The following NRXN3 variants were observed in gnomAD, a reference collection of about 807,000 sequenced individuals.
NRXN3 encodes neurexin III.
In NRXN3, 32 loss-of-function variants were observed where a neutral mutation model predicts 137.6. The observed-to-expected ratio is 0.23, with a 90% CI of 0.18 to 0.31. The LOEUF (loss-of-function observed/expected upper bound fraction) is 0.31, where lower values mean the gene tolerates loss of function less well. NRXN3 is among the 10% of genes least tolerant of loss of function. NRXN3 has a pLI of 1.00. For missense variants in NRXN3, 1,574 were observed against 2,062.5 expected (o/e 0.76, Z 4.59); for synonymous variants, 798 against 784.5 (o/e 1.02, Z -0.29).
At chr14:78,729,562 C>G (rs2098504545) in intron 8 of NRXN3, among the ~76,000 whole-genome samples, 1 of 152,160 alleles carries the variant, frequency 6.6e-6, no homozygotes, top group African/African-American at 2.4e-5. Context: ...TGGAGAAGAA[C>G]TGTAAAGTTT....
intron 16 of NRXN3, among the ~76,000 whole-genome samples, chr14:79,536,195 G>T (rs1344550239): frequency 1.3e-5 from 2 of 152,144 alleles, no homozygotes; most frequent in Admixed American, 1.3e-4. Context: ...CATGCCATAT[G>T]TTGGACTCTA....
intron 15 of NRXN3, among the ~76,000 whole-genome samples, chr14:79,051,114 T>A (rs1371151159): frequency 6.6e-6 from 1 of 152,164 alleles, no homozygotes; most frequent in South Asian, 2.1e-4. Flanking sequence ...TTGCTAGTGA[T>A]AGAGCCAGAA....
At chr14:78,884,558 C>A (rs2099137889) in intron 10 of NRXN3, among the ~76,000 whole-genome samples, 1 of 152,140 alleles carries the variant, frequency 6.6e-6, no homozygotes, top group South Asian at 2.1e-4. Context: ...ATCTACCTAT[C>A]CAACTTGGAT....
chr14:79,187,998 G>A (rs1297967969), intron 15 of NRXN3, among the ~76,000 whole-genome samples: 1 of 151,640 alleles, frequency 6.6e-6, no homozygotes, highest in East Asian at 2.0e-4. Context: ...AACATTGGTA[G>A]GTTTTGTTTG....
At chr14:78,941,724 T>C (rs981956422) in intron 10 of NRXN3, among the ~76,000 whole-genome samples, 2 of 152,212 alleles carry the variant, frequency 1.3e-5, no homozygotes, top group African/African-American at 2.4e-5. Flanking sequence ...GGGATAAAAA[T>C]GCTTACTTCC....
At chr14:79,348,342 A>T (rs1184937734) in intron 15 of NRXN3, among the ~76,000 whole-genome samples, 3 of 149,812 alleles carry the variant, frequency 2.0e-5, no homozygotes, top group Admixed American at 6.6e-5. Flanking sequence ...AATTAGATAA[A>T]TTTTTTGGTA....
intron 4 of NRXN3, chr14:78,300,670 A>G: frequency 1.3e-6 from 2 of 1,530,178 alleles, no homozygotes. Flanking sequence ...TTGGACCTTC[A>G]TTTCTGTAGG....
At chr14:78,342,112 T>C (rs985265120) in intron 4 of NRXN3, among the ~76,000 whole-genome samples, 1 of 152,194 alleles carries the variant, frequency 6.6e-6, no homozygotes, top group African/African-American at 2.4e-5. Flanking sequence ...TGTGGGACTT[T>C]CATTGCTGAA....
At chr14:78,354,455 C>G (rs60879674) in intron 4 of NRXN3, among the ~76,000 whole-genome samples, 5,921 of 152,276 alleles carry the variant, frequency 0.039, 298 homozygotes, top group East Asian at 0.29. Context: ...TCTATTGAAA[C>G]CAAATCATTC....
chr14:78,284,260 A>G (rs1426888961), intron 3 of NRXN3, among the ~76,000 whole-genome samples: 1 of 152,184 alleles, frequency 6.6e-6, no homozygotes, highest in Non-Finnish European at 1.5e-5. Context: ...TCAGAAACTC[A>G]AAAGAATGCA....
At position 78,287,813 on chromosome 14, in the gene NRXN3, TA is replaced by T. The variant is rs1329402022; in HGVS notation, c.727+9153del. ...GCTAAAACATCTCCAGTTTTTTTTT[TA>T]AGCATTCTCCTACAAGGGGTTTTAA... is the stretch of plus-strand genomic sequence containing the variant. On this transcript the variant is annotated intron_variant, in intron 3 of 20. Coordinates refer to ENST00000335750, the MANE Select transcript of NRXN3 (RefSeq NM_001330195.2). Among the ~76,000 whole-genome samples, 4 of 152,302 alleles carry T rather than the reference TA, an allele frequency of 2.6e-5. 1 individual carries two copies. In the East Asian group the frequency reaches 7.7e-4, roughly 29 times the overall value.
rs141480756 is a variant in NRXN3 at position 78,620,449 on chromosome 14, CT to C, written c.758-24670del. Among the ~76,000 whole-genome samples the C allele has an allele frequency of 3.3e-4, 50 of 152,276 alleles. No individual in the cohort carries two copies. In the East Asian group the frequency reaches 5.0e-3, roughly 15 times the overall value. ...CAGTAAACACATCACTGCAGAGTAG[CT>C]AGCAAATGAATGCCTTTTTATCAGA... On this transcript the variant is annotated intron_variant, in intron 4 of 20. Transcript: ENST00000335750.
intron 1 of NRXN3, among the ~76,000 whole-genome samples, chr14:78,225,977 GTGTGT>G (rs1567013190): frequency 2.7e-4 from 19 of 70,742 alleles, no homozygotes; most frequent in East Asian, 2.4e-3. Flanking sequence ...GTGTGTTGGT[GTGTGT>G]GTGTGTGTGT....
intron 15 of NRXN3, among the ~76,000 whole-genome samples, chr14:79,224,174 T>C (rs1298592007): frequency 1.3e-5 from 2 of 152,150 alleles, no homozygotes; most frequent in African/African-American, 2.4e-5. Flanking sequence ...TTTTTTCCTA[T>C]GGTGATTGTA....
chr14:78,882,631 C>T (rs1394603038), intron 10 of NRXN3, among the ~76,000 whole-genome samples: 2 of 151,712 alleles, frequency 1.3e-5, no homozygotes, highest in African/African-American at 4.9e-5. Flanking sequence ...AATGCCTATA[C>T]CCCCATTTTA....
intron 6 of NRXN3, among the ~76,000 whole-genome samples, chr14:78,664,872 T>C (rs2097869167): frequency 6.6e-6 from 1 of 152,238 alleles, no homozygotes; most frequent in South Asian, 2.1e-4. Context: ...GGAAATATTC[T>C]TCAATAAATT....
chr14:79,482,177 T>C (rs2096615377), intron 16 of NRXN3, among the ~76,000 whole-genome samples: 1 of 152,224 alleles, frequency 6.6e-6, no homozygotes, highest in Admixed American at 6.5e-5. Flanking sequence ...AGTTTAGTTT[T>C]TGTGAATGGT....
chr14:78,738,313 T>C (rs922194926), intron 8 of NRXN3, among the ~76,000 whole-genome samples: 41 of 152,206 alleles, frequency 2.7e-4, no homozygotes, highest in Non-Finnish European at 5.0e-4. Context: ...AAAGACTAAA[T>C]GGGCATCTGA....
rs77087721 is a variant in NRXN3, at chr14:79,552,263, A to G, written c.3444+84861A>G. Reference sequence around the variant, plus strand: ...CAGAGCTGCTTGACAGAAAATGTTTAATGTCTTCCTCATTGTAGCTACATG... The same window carrying G: ...CAGAGCTGCTTGACAGAAAATGTTTGATGTCTTCCTCATTGTAGCTACATG... On this transcript the variant is annotated intron_variant, in intron 16 of 20. Coordinates refer to ENST00000335750, the MANE Select transcript of NRXN3 (RefSeq NM_001330195.2). Among the ~76,000 whole-genome samples, 29 of 152,272 alleles carry G rather than the reference A, an allele frequency of 1.9e-4. No homozygotes were observed. The East Asian group carries it at 5.4e-3, about 28-fold the overall frequency.
Sources: gnomAD v4.1 joint callset for allele counts (sites outside exome capture counted in the v4.1 genomes callset) on GRCh38, gnomAD v4.1.1 for gene constraint, MANE v1.5 for transcripts, NCBI Gene and HGNC (gene_info 2026-07-23, HGNC 2026-07-21) for gene names.